Variants in CNTN5 observed in about 807,000 individuals in gnomAD.
CNTN5 encodes the protein contactin-5.
In CNTN5, 77 loss-of-function variants were observed where a neutral mutation model predicts 129.1. The observed-to-expected ratio is 0.60, with a 90% confidence interval of 0.50 to 0.72. The LOEUF (loss-of-function observed/expected upper bound fraction) is 0.72, where lower values mean the gene tolerates loss of function less well. Among genes scored for constraint, CNTN5 ranks in the 30% least tolerant of loss-of-function variants. CNTN5 has a pLI of 0.00. For synonymous variants in CNTN5, 509 were observed against 465.6 expected (o/e 1.09, Z -1.20); for missense variants, 1,478 against 1,328.8 (o/e 1.11, Z -1.75).
chr11:99,521,406 C>A (rs1424953800), intron 2 of CNTN5, among the ~76,000 whole-genome samples: 1 of 151,888 alleles, frequency 6.6e-6, no homozygotes, highest in African/African-American at 2.4e-5. Context: ...AGTTTGATAC[C>A]AAATAATTTA....
At chr11:99,176,738 C>T (rs546902553) in intron 1 of CNTN5, among the ~76,000 whole-genome samples, 1 of 152,298 alleles carries the variant, frequency 6.6e-6, no homozygotes, top group African/African-American at 2.4e-5. Context: ...GATGCCATCA[C>T]TTCTCTGTAT....
chr11:99,107,938 T>TAAAAAAAAAAA (rs55786739), intron 1 of CNTN5, among the ~76,000 whole-genome samples: 2 of 103,520 alleles, frequency 1.9e-5, no homozygotes, highest in African/African-American at 3.6e-5. Context: ...CTCAAAAAAG[T>TAAAAAAAAAAA]AAAAAAAAAA....
At chr11:100,110,143 C>T (rs1402417512) in intron 13 of CNTN5, among the ~76,000 whole-genome samples, 6 of 148,910 alleles carry the variant, frequency 4.0e-5, no homozygotes, top group East Asian at 4.0e-4. Flanking sequence ...GCAGAGATGG[C>T]GCCACTGTAC....
chr11:100,211,323 T>C (rs1175458052), intron 15 of CNTN5, among the ~76,000 whole-genome samples: 3 of 152,148 alleles, frequency 2.0e-5, no homozygotes, highest in Non-Finnish European at 4.4e-5. Context: ...GACAACATCG[T>C]AGCAGCTTCC....
At chr11:99,806,101 T>C (rs1262451925) in intron 3 of CNTN5, among the ~76,000 whole-genome samples, 1 of 152,162 alleles carries the variant, frequency 6.6e-6, no homozygotes, top group Non-Finnish European at 1.5e-5. Flanking sequence ...AGAGTACAAG[T>C]GAACTTTTTT....
chr11:99,713,950 T>G lies in CNTN5; in HGVS notation c.56-105594T>G, dbSNP rs531346858. 1.1e-4 allele frequency among the ~76,000 whole-genome samples: 17 copies of G among 152,042 alleles called. No individual in the cohort carries two copies. The South Asian group carries it at 3.5e-3, about 31-fold the overall frequency. ...GATATTCTTAATAGAATTCTTAGATTTCGTGAGCAGAATGGGGACCATGCA... is the reference window on the plus strand; with the variant it reads ...GATATTCTTAATAGAATTCTTAGATGTCGTGAGCAGAATGGGGACCATGCA... On this transcript the variant is annotated intron_variant, in intron 3 of 24. Coordinates refer to ENST00000524871, the MANE Select transcript of CNTN5 (RefSeq NM_014361.4).
intron 1 of CNTN5, among the ~76,000 whole-genome samples, chr11:99,151,048 G>A (rs1860027486): frequency 6.6e-6 from 1 of 152,100 alleles, no homozygotes; most frequent in African/African-American, 2.4e-5. Flanking sequence ...TCAGAAAACG[G>A]GATCAGGGTT....
chr11:100,235,026 G>A (rs1456035125), intron 16 of CNTN5, among the ~76,000 whole-genome samples: 2 of 151,956 alleles, frequency 1.3e-5, no homozygotes, highest in African/African-American at 4.8e-5. Flanking sequence ...TGTTGTTTTT[G>A]CCTACTTATC....
chr11:99,165,223 A>G (rs1860815482), intron 1 of CNTN5, among the ~76,000 whole-genome samples: 1 of 152,228 alleles, frequency 6.6e-6, no homozygotes, highest in East Asian at 1.9e-4. Flanking sequence ...ATAAGGATTC[A>G]TAAAACACAG....
At chr11:100,090,002 C>G (rs1367555421) in intron 13 of CNTN5, among the ~76,000 whole-genome samples, 3 of 152,072 alleles carry the variant, frequency 2.0e-5, no homozygotes, top group Non-Finnish European at 2.9e-5. Context: ...AGACGTTTAC[C>G]TATGTAACAA....
chr11:99,510,429 A>T (rs1351411936), intron 2 of CNTN5, among the ~76,000 whole-genome samples: 1 of 152,204 alleles, frequency 6.6e-6, no homozygotes, highest in Non-Finnish European at 1.5e-5. Context: ...TCTGACTTCT[A>T]ATATTACTGA....
rs1943428967 is a variant in CNTN5 at position 99,728,568 on chromosome 11, A to G, written c.56-90976A>G. 4.6e-5 allele frequency among the ~76,000 whole-genome samples: 7 copies of G among 152,176 alleles called. No homozygotes were observed. The South Asian group carries it at 1.4e-3, about 31-fold the overall frequency. ...TAGATAACGATCTGCTGTCAAAGGT[A>G]TTGCTTTCCTTTATTAGCAGCCTCA... On this transcript the variant is annotated intron_variant, in intron 3 of 24. Coordinates refer to ENST00000524871, the MANE Select transcript of CNTN5 (RefSeq NM_014361.4).
chr11:99,044,932 C>T (rs1425030117), intron 1 of CNTN5, among the ~76,000 whole-genome samples: 1 of 152,174 alleles, frequency 6.6e-6, no homozygotes, highest in Non-Finnish European at 1.5e-5. Context: ...CACTTACTCT[C>T]CTGGTGTAGT....
chr11:99,128,265 C>T lies in CNTN5; in HGVS notation c.-210+106995C>T, dbSNP rs1359948872. 4.6e-5 allele frequency among the ~76,000 whole-genome samples: 7 copies of T among 152,050 alleles called. No homozygotes were observed. In the East Asian group the frequency reaches 5.8e-4, roughly 13 times the overall value. On this transcript the variant is annotated intron_variant, in intron 1 of 24. Transcript: ENST00000524871. Reference sequence around the variant, plus strand: ...CCGAGTTCATGGTGGGAGGGGTGACCGCCACTACTGTGGCTCTAGTAGGCA... The same window carrying T: ...CCGAGTTCATGGTGGGAGGGGTGACTGCCACTACTGTGGCTCTAGTAGGCA...
intron 1 of CNTN5, among the ~76,000 whole-genome samples, chr11:99,287,656 T>C (rs764641938): frequency 6.6e-6 from 1 of 152,056 alleles, no homozygotes; most frequent in African/African-American, 2.4e-5. Flanking sequence ...TTGACACTCA[T>C]CATAGTGAAT....
chr11:99,161,525 T>C (rs890826739), intron 1 of CNTN5, among the ~76,000 whole-genome samples: 2 of 152,042 alleles, frequency 1.3e-5, no homozygotes, highest in African/African-American at 4.8e-5. Flanking sequence ...CCAAAACCAA[T>C]TGCGAGCATG....
At chr11:99,120,967 CT>C (rs113157674) in intron 1 of CNTN5, among the ~76,000 whole-genome samples, 11,631 of 152,004 alleles carry the variant, frequency 0.077, 524 homozygotes, top group African/African-American at 0.12. Flanking sequence ...TCAAATACAA[CT>C]TTACTTTCCA....
intron 3 of CNTN5, among the ~76,000 whole-genome samples, chr11:99,801,889 TC>T (rs1489117897): frequency 6.6e-6 from 1 of 152,232 alleles, no homozygotes; most frequent in East Asian, 1.9e-4. Context: ...TTTCTTGCAA[TC>T]CATGCTTTGA....
chr11:99,974,190 G>A (rs1937774421), intron 8 of CNTN5, among the ~76,000 whole-genome samples: 1 of 152,156 alleles, frequency 6.6e-6, no homozygotes, highest in Non-Finnish European at 1.5e-5. Context: ...AGCATTTTGA[G>A]CTTATCTTTT....
Sources: allele counts gnomAD v4.1 joint callset (sites outside exome capture counted in the v4.1 genomes callset), GRCh38; gene constraint gnomAD v4.1.1; transcripts MANE v1.5; gene names NCBI Gene and HGNC (gene_info 2026-07-23, HGNC 2026-07-21).